PKN2: variants seen among roughly 807,000 people sequenced by gnomAD.
The protein encoded by PKN2 is serine/threonine-protein kinase N2.
A neutral mutation model predicts 119.1 loss-of-function variants in PKN2; 38 were observed. That is an observed-to-expected ratio of 0.32 (90% CI 0.25 to 0.42). PKN2 has a LOEUF of 0.42. Ranked by LOEUF, PKN2 falls within the 10% of genes least tolerant of loss-of-function variation. The pLI is 1.00. For missense variants in PKN2, 850 were observed against 1,165.1 expected (o/e 0.73, Z 3.94); for synonymous variants, 390 against 384.9 (o/e 1.01, Z -0.15).
intron 1 of PKN2, among the ~76,000 whole-genome samples, chr1:88,706,485 G>T (rs530954681): frequency 1.3e-5 from 2 of 152,040 alleles, no homozygotes; most frequent in Non-Finnish European, 2.9e-5. Context: ...TTGCTTGGTT[G>T]CACTGGCTAT....
chr1:88,690,333 A>G (rs1666280871), intron 1 of PKN2, among the ~76,000 whole-genome samples: 1 of 152,238 alleles, frequency 6.6e-6, no homozygotes. Flanking sequence ...CACCTAAAAT[A>G]ATGTTACTTT....
chr1:88,772,005 T>C (rs779501768), intron 6 of PKN2, 126 bp downstream of exon 6: 17 of 645,358 alleles, frequency 2.6e-5, no homozygotes, highest in Non-Finnish European at 4.5e-5. Flanking sequence ...TAGAATAAAA[T>C]TTGTTGTATT....
At chr1:88,727,369 C>A (rs559264409) in intron 1 of PKN2, among the ~76,000 whole-genome samples, 3 of 152,216 alleles carry the variant, frequency 2.0e-5, no homozygotes, top group South Asian at 2.1e-4. Flanking sequence ...TGGGGTCTCA[C>A]TGTATTGCCC....
At chr1:88,736,710 G>A (rs1325053903) in intron 1 of PKN2, among the ~76,000 whole-genome samples, 1 of 152,162 alleles carries the variant, frequency 6.6e-6, no homozygotes, top group East Asian at 1.9e-4. Flanking sequence ...TGAGGGATTA[G>A]CTGTTTATTC....
At chr1:88,721,349 G>A (rs564117399) in intron 1 of PKN2, among the ~76,000 whole-genome samples, 35 of 152,052 alleles carry the variant, frequency 2.3e-4, no homozygotes, top group African/African-American at 7.2e-4. Flanking sequence ...AGGTGGTATC[G>A]CATTGTGTTT....
chr1:88,818,573 G>A (rs959474780), intron 16 of PKN2, among the ~76,000 whole-genome samples: 9 of 151,714 alleles, frequency 5.9e-5, no homozygotes, highest in Non-Finnish European at 1.2e-4. Context: ...GCTTGAACCT[G>A]GGAGGTGGAG....
intron 1 of PKN2, among the ~76,000 whole-genome samples, chr1:88,695,149 G>A (rs1349653732): frequency 2.0e-5 from 3 of 151,940 alleles, no homozygotes; most frequent in Non-Finnish European, 4.4e-5. Context: ...ATTTTGAAAT[G>A]TCTGTCAGAC....
intron 1 of PKN2, among the ~76,000 whole-genome samples, chr1:88,715,311 TC>T (rs1274248899): frequency 1.3e-5 from 2 of 152,236 alleles, no homozygotes; most frequent in Non-Finnish European, 2.9e-5. Context: ...TCCCTCTTTT[TC>T]TATTGATTGG....
intron 2 of PKN2, among the ~76,000 whole-genome samples, chr1:88,753,143 TTA>T (rs1669066962): frequency 6.6e-6 from 1 of 152,204 alleles, no homozygotes; most frequent in South Asian, 2.1e-4. Flanking sequence ...ACACCCTAGC[TTA>T]TATTTTACTG....
chr1:88,769,311 G>A (rs945706040), intron 3 of PKN2, among the ~76,000 whole-genome samples: 1 of 152,082 alleles, frequency 6.6e-6, no homozygotes, highest in Non-Finnish European at 1.5e-5. Context: ...TGTCACCAGG[G>A]TTGACAAATG....
intron 1 of PKN2, among the ~76,000 whole-genome samples, chr1:88,724,424 C>T (rs1204767365): frequency 2.6e-5 from 4 of 152,062 alleles, no homozygotes; most frequent in African/African-American, 9.7e-5. Flanking sequence ...TTACATACTG[C>T]TCGTTTTCAA....
chr1:88,687,520 G>A (rs61589219), intron 1 of PKN2, among the ~76,000 whole-genome samples: 11,486 of 152,172 alleles, frequency 0.075, 909 homozygotes, highest in African/African-American at 0.2. Context: ...AAGAATCTCA[G>A]AATGAAAGTG....
chr1:88,750,312 T>TA (rs1309591137), intron 2 of PKN2, among the ~76,000 whole-genome samples: 1 of 152,188 alleles, frequency 6.6e-6, no homozygotes, highest in Non-Finnish European at 1.5e-5. Flanking sequence ...GGCTAGACCT[T>TA]AAGTAGTCAG....
chr1:88,784,525 G>A, intron 6 of PKN2, 114 bp from the exon 7 acceptor site: 1 of 492,970 alleles, frequency 2.0e-6, no homozygotes, highest in East Asian at 3.4e-5. Flanking sequence ...TCTGGGAGAA[G>A]AGTTTTTGTT....
chr1:88,803,075 C>T (rs757390279), intron 8 of PKN2, among the ~76,000 whole-genome samples: 8 of 152,156 alleles, frequency 5.3e-5, no homozygotes, highest in Non-Finnish European at 1.0e-4. Context: ...ATTTGCTAGT[C>T]TTAATTATAT....
chr1:88,747,523 TG>T (rs1668817317), intron 2 of PKN2, among the ~76,000 whole-genome samples: 1 of 152,170 alleles, frequency 6.6e-6, no homozygotes, highest in Non-Finnish European at 1.5e-5. Flanking sequence ...AAGCCTTAGT[TG>T]GAACCTGACA....
At chr1:88,729,387 T>A (rs946098591) in intron 1 of PKN2, among the ~76,000 whole-genome samples, 7 of 152,196 alleles carry the variant, frequency 4.6e-5, no homozygotes, top group Non-Finnish European at 8.8e-5. Flanking sequence ...TCGGGTATAC[T>A]AGGTGTTTCT....
chr1:88,804,586 G>T (rs1178409379), intron 9 of PKN2, 52 bp downstream of exon 9: 1 of 1,515,888 alleles, frequency 6.6e-7, no homozygotes, highest in African/African-American at 1.4e-5. Flanking sequence ...AATTACATAT[G>T]TAGGCAGCAT....
chr1:88,762,236 T>C (rs1669476190), intron 3 of PKN2, among the ~76,000 whole-genome samples: 1 of 152,198 alleles, frequency 6.6e-6, no homozygotes, highest in African/African-American at 2.4e-5. Context: ...ATAGATAACC[T>C]AAAACAACCA....
Sources: allele counts gnomAD v4.1 joint callset (sites outside exome capture counted in the v4.1 genomes callset), GRCh38; gene constraint gnomAD v4.1.1; transcripts MANE v1.5; gene names NCBI Gene and HGNC (gene_info 2026-07-23, HGNC 2026-07-21).